C3AR1: variants seen among roughly 807,000 people sequenced by gnomAD.
C3AR1 encodes the protein complement C3a receptor 1.
For synonymous variants in C3AR1, 208 were observed against 225.3 expected (o/e 0.92, Z 0.69); for missense variants, 579 against 583.5 (o/e 0.99, Z 0.08).
At chr12:8,063,045 C>A (rs1052479806) in intron 1 of C3AR1, among the ~76,000 whole-genome samples, 1 of 146,578 alleles carries the variant, frequency 6.8e-6, no homozygotes, top group Non-Finnish European at 1.5e-5. Context: ...ACAGCCTCCG[C>A]ATCCCGGGTT....
In C3AR1 at chr12:8,060,148, A is replaced by T. The variant is rs757061171; in HGVS notation, c.38T>A (p.Leu13Gln). Residue 13 changes from leucine to glutamine, a missense_variant, in exon 2 of 2, where the codon CTA becomes CAA. Coordinates refer to ENST00000307637, the MANE Select transcript of C3AR1 (RefSeq NM_004054.4). ...SFSAETNSTDLLSQPWNEPPV... is the reference protein window; with the variant it reads ...SFSAETNSTDQLSQPWNEPPV... The stretch of plus-strand genomic sequence containing the variant: ...GGGCTCATTCCATGGCTGTGAGAGT[A>T]GGTCAGTTGAATTGGTCTCAGCAGA... 6.2e-7 allele frequency: 1 copy of T among 1,613,402 alleles called. No individual in the cohort carries two copies. Among genetic ancestry groups the T allele is most frequent in the Admixed American group, 1.7e-5 (1 of 59,980 alleles).
At chr12:8,060,271 C>G in intron 1 of C3AR1, 76 bp from the exon 2 acceptor site, 2 of 1,217,272 alleles carry the variant, frequency 1.6e-6, no homozygotes, top group South Asian at 2.9e-5. Context: ...GGATTCTAAT[C>G]TTCCCACATA....
At chr12:8,065,332 T>G (rs1947320493) in intron 1 of C3AR1, among the ~76,000 whole-genome samples, 1 of 152,056 alleles carries the variant, frequency 6.6e-6, no homozygotes, top group East Asian at 1.9e-4. Context: ...GAAATGAAAG[T>G]ATGTAGGAGT....
chr12:8,058,605 A>C lies in C3AR1; in HGVS notation c.*132T>G. On this transcript the variant is annotated 3_prime_UTR_variant, in exon 2 of 2. Transcript: ENST00000307637. ...TGATGCTGATGTCAATAGTCTGTGT[A>C]CCGTTTGAGAACCGCTGGATTGATT... 1.0e-6 allele frequency: 1 copy of C among 980,562 alleles called. No individual in the cohort carries two copies. Among genetic ancestry groups the C allele is most frequent in the Non-Finnish European group, 1.5e-6 (1 of 655,006 alleles). 60.7% of individuals were successfully genotyped at this position (980,562 alleles called of 1,614,324 possible). A position where few individuals can be genotyped will look rare whatever the true frequency, so the allele number is the denominator to read the frequency against.
rs61736562 is a variant in C3AR1, at chr12:8,059,628, G to T, written c.558C>A (p.Asp186Glu). 46 of 1,614,184 alleles carry T rather than the reference G, an allele frequency of 2.8e-5. 2 individuals carry two copies. In the South Asian group the frequency reaches 4.7e-4, roughly 17 times the overall value. ...TGTTTTCTAGTGGATCTCCATAAAA[G>T]TCTGGATAATCTAATGAGCTGGAGA... The part of the protein sequence containing the change: ...FGLSSSLDYP[D>E]FYGDPLENRS... Residue 186 changes from aspartate to glutamate, a missense_variant, in exon 2 of 2, where the codon GAC becomes GAA. Transcript: ENST00000307637.
In C3AR1 at chr12:8,059,366, G is replaced by C. The variant is rs1469996931; in HGVS notation, c.820C>G (p.Pro274Ala). ...VVSPKIPSGF[P>A]IEDHETSPLD... ...GGGCTGGTTTCGTGATCTTCAATAGGAAACCCACTGGGGATTTTAGGTGAG... is the reference window on the plus strand; with the variant it reads ...GGGCTGGTTTCGTGATCTTCAATAGCAAACCCACTGGGGATTTTAGGTGAG... The change falls in exon 2 of 2, where the codon CCT becomes GCT. Residue 274 changes from proline to alanine, a missense_variant. Physicochemically the swap from Pro to Ala is conservative, Grantham distance 27 (BLOSUM62 -1). Coordinates refer to ENST00000307637, the MANE Select transcript of C3AR1 (RefSeq NM_004054.4). The C allele has an allele frequency of 2.5e-6, 4 of 1,614,048 alleles. No homozygotes were observed. The East Asian group carries it at 6.7e-5, about 27-fold the overall frequency.
At position 8,059,976 on chromosome 12, in the gene C3AR1, G is replaced by A. The variant is rs11567805; in HGVS notation, c.210C>T (p.Leu70=). 19,338 of 1,614,098 alleles carry A rather than the reference G, an allele frequency of 0.012. 855 individuals carry two copies. The highest frequency in any genetic ancestry group is 0.09 in the South Asian group (8,200 of 91,074). ...WFLHLTLADL[L]CCLSLPFSLA... is the part of the protein sequence containing the mutation. ...GCGAGAAGGGCAAGGAGAGGCAGCA[G>A]AGGAGGTCCGCCAAGGTGAGGTGGA... Residue 70 remains leucine, a synonymous_variant, in exon 2 of 2, where the codon CTC becomes CTT. Coordinates refer to ENST00000307637, the MANE Select transcript of C3AR1 (RefSeq NM_004054.4).
At chr12:8,062,125 A>C (rs1042454323) in intron 1 of C3AR1, among the ~76,000 whole-genome samples, 1 of 152,226 alleles carries the variant, frequency 6.6e-6, no homozygotes, top group African/African-American at 2.4e-5. Flanking sequence ...TTAAGGCTGA[A>C]TAATATTCCA....
At chr12:8,061,162 T>C (rs934163912) in intron 1 of C3AR1, among the ~76,000 whole-genome samples, 1 of 152,220 alleles carries the variant, frequency 6.6e-6, no homozygotes, top group African/African-American at 2.4e-5. Context: ...TCACTACCTA[T>C]CATTTCTTTC....
intron 1 of C3AR1, among the ~76,000 whole-genome samples, chr12:8,064,550 A>G (rs1947309645): frequency 6.6e-6 from 1 of 151,948 alleles, no homozygotes; most frequent in African/African-American, 2.4e-5. Flanking sequence ...TTAGGTGGGC[A>G]TGGTGGCACA....
At chr12:8,062,705 C>T (rs942663705) in intron 1 of C3AR1, among the ~76,000 whole-genome samples, 3 of 151,910 alleles carry the variant, frequency 2.0e-5, no homozygotes, top group South Asian at 4.2e-4. Flanking sequence ...AGTGCAGTGG[C>T]GCGATCTTGG....
chr12:8,062,946 GC>G (rs1947290031), intron 1 of C3AR1, among the ~76,000 whole-genome samples: 1 of 124,022 alleles, frequency 8.1e-6, no homozygotes, highest in Non-Finnish European at 1.6e-5. Context: ...ACCGCGCCCG[GC>G]CCTTTTTTTT....
In C3AR1 at chr12:8,057,128, A is replaced by G. The variant is rs1376076439; in HGVS notation, c.*1609T>C. 6.6e-6 allele frequency among the ~76,000 whole-genome samples: 1 copy of G among 152,224 alleles called. No homozygotes were observed. Among genetic ancestry groups the G allele is most frequent in the Non-Finnish European group, 1.5e-5 (1 of 68,034 alleles). On this transcript the variant is annotated 3_prime_UTR_variant, in exon 2 of 2. Transcript: ENST00000307637. ...TAGACTACATCATTGTATTTGGTTT[A>G]GATGAGGCCACGTTGTGATACAAAC...
intron 1 of C3AR1, among the ~76,000 whole-genome samples, chr12:8,063,082 C>G (rs1299505512): frequency 1.3e-5 from 2 of 150,846 alleles, no homozygotes; most frequent in Non-Finnish European, 2.9e-5. Context: ...CTCAGCCTCC[C>G]GAGGAGCTGG....
chr12:8,058,899 G>A lies in C3AR1; in HGVS notation c.1287C>T (p.Cys429=), dbSNP rs1947227437. 4 of 1,614,168 alleles carry A rather than the reference G, an allele frequency of 2.5e-6. No homozygotes were observed. Among genetic ancestry groups the A allele is most frequent in the Non-Finnish European group, 1.7e-6 (2 of 1,180,014 alleles). ...VCIALASANS[C]FNPFLYALLG... ...AGAGGGCATAAAGGAAGGGATTAAA[G>A]CAACTATTGGCAGATGCTAGAGCAA... The change falls in exon 2 of 2, where the codon TGC becomes TGT. Residue 429 remains cysteine (C), a synonymous_variant. Transcript: ENST00000307637.
At chr12:8,065,067 G>C (rs1297815404) in intron 1 of C3AR1, among the ~76,000 whole-genome samples, 1 of 149,528 alleles carries the variant, frequency 6.7e-6, no homozygotes, top group African/African-American at 2.5e-5. Context: ...CAGCAAATTA[G>C]ATTACAAGCA....
chr12:8,058,805 C>G lies in C3AR1; in HGVS notation c.1381G>C (p.Glu461Gln). The change falls in exon 2 of 2, where the codon GAG becomes CAG. Residue 461 changes from glutamate to glutamine, a missense_variant. Transcript: ENST00000307637. ...QGILEAAFSEELTRSTHCPSN... is the reference protein window; with the variant it reads ...QGILEAAFSEQLTRSTHCPSN... The stretch of plus-strand genomic sequence containing the variant: ...GGACAGTGGGTGGAACGTGTGAGCT[C>G]CTCACTGAAGGCTGCCTCCAGAATT... 1 of 1,614,008 alleles carries G rather than the reference C, an allele frequency of 6.2e-7. No homozygotes were observed. Among genetic ancestry groups the G allele is most frequent in the Non-Finnish European group, 8.5e-7 (1 of 1,179,970 alleles).
rs923206444 is a variant in C3AR1 at position 8,060,103 on chromosome 12, AC to A, written c.82del (p.Val28SerfsTer23). ...WNEPPVILSM[V>X]ILSLTFLLGL... ...CAGTAAAAAAGTAAGGCTGAGAATG[AC>A]CATGGAGAGAATTACTGGGGGCTCA... On this transcript the variant is annotated frameshift_variant, in exon 2 of 2. Coordinates refer to ENST00000307637, the MANE Select transcript of C3AR1 (RefSeq NM_004054.4). LOFTEE classifies it low-confidence loss of function (END_TRUNC). 1.2e-6 allele frequency: 2 copies of A among 1,614,004 alleles called. No individual in the cohort carries two copies. Among genetic ancestry groups the A allele is most frequent in the African/African-American group, 2.7e-5 (2 of 74,908 alleles).
rs764649781 is a variant in C3AR1 at position 8,059,709 on chromosome 12, C to T, written c.477G>A (p.Val159=). 2 of 1,613,966 alleles carry T rather than the reference C, an allele frequency of 1.2e-6. No individual in the cohort carries two copies. The highest frequency in any genetic ancestry group is 2.7e-5 in the African/African-American group (2 of 74,862). ...VAFVMCIPVF[V]YREIFTTDNH... ...TGTCTGTAGTGAAGATTTCCCGGTA[C>T]ACGAACACAGGAATGCACATCACAA... is the stretch of plus-strand genomic sequence containing the variant. The change falls in exon 2 of 2, where the codon GTG becomes GTA. Residue 159 remains valine (V), a synonymous_variant. Transcript: ENST00000307637.
Sources: gnomAD v4.1 joint callset for allele counts (sites outside exome capture counted in the v4.1 genomes callset) on GRCh38, gnomAD v4.1.1 for gene constraint, MANE v1.5 for transcripts, NCBI Gene and HGNC (gene_info 2026-07-23, HGNC 2026-07-21) for gene names.